The following PCDHGA3 variants were observed in gnomAD, a reference collection of about 807,000 sequenced individuals.
PCDHGA3 encodes the protein protocadherin gamma subfamily A, 3, also known as protocadherin gamma-A3.
A neutral mutation model predicts 58.5 loss-of-function variants in PCDHGA3; 40 were observed. That is an observed-to-expected ratio of 0.68 (90% CI 0.53 to 0.89). The LOEUF (loss-of-function observed/expected upper bound fraction) is 0.89. Ranked by LOEUF, PCDHGA3 falls within the 40% of genes least tolerant of loss-of-function variation. The pLI is 0.00. For synonymous variants in PCDHGA3, 530 were observed against 525.7 expected (o/e 1.01, Z -0.11); for missense variants, 1,223 against 1,195.9 (o/e 1.02, Z -0.33).
intron 1 of PCDHGA3, among the ~76,000 whole-genome samples, chr5:141,472,967 C>G (rs1040253926): frequency 1.7e-5 from 1 of 58,336 alleles, no homozygotes; most frequent in South Asian, 5.1e-4. Flanking sequence ...GCCTGGGGAA[C>G]AAGAGTGAAA....
At chr5:141,395,468 C>T (rs909198422) in intron 1 of PCDHGA3, 2 of 569,714 alleles carry the variant, frequency 3.5e-6, no homozygotes, top group African/African-American at 3.8e-5. Flanking sequence ...TTAAGCCTTC[C>T]AGTATTTTAT....
chr5:141,472,980 C>CAAAAAAAAAAAAAAAAAAAAAAA (rs60579131), intron 1 of PCDHGA3, among the ~76,000 whole-genome samples: 6 of 86,066 alleles, frequency 7.0e-5, no homozygotes, highest in Non-Finnish European at 1.0e-4. Context: ...GAGTGAAACT[C>CAAAAAAAAAAAAAAAAAAAAAAA]AAAAAAAAAA....
At chr5:141,359,599 A>G (rs1034333334) in intron 1 of PCDHGA3, among the ~76,000 whole-genome samples, 1 of 152,038 alleles carries the variant, frequency 6.6e-6, no homozygotes, top group East Asian at 1.9e-4. Context: ...TAAAAAAGCA[A>G]TGTGCAGAAT....
intron 1 of PCDHGA3, among the ~76,000 whole-genome samples, chr5:141,480,240 C>CAAA (rs11374694): frequency 1.8e-5 from 2 of 114,046 alleles, no homozygotes; most frequent in Non-Finnish European, 3.8e-5. Context: ...CCTGTCTCTA[C>CAAA]AAAAAAAAAA....
chr5:141,482,562 C>A (rs1030078543), intron 1 of PCDHGA3, among the ~76,000 whole-genome samples: 68 of 142,616 alleles, frequency 4.8e-4, no homozygotes, highest in African/African-American at 1.8e-3. Flanking sequence ...TAATGGAGAT[C>A]TGCATAGCAT....
chr5:141,410,789 A>G (rs1264282350), intron 1 of PCDHGA3: 13 of 794,352 alleles, frequency 1.6e-5, no homozygotes, highest in Non-Finnish European at 2.4e-5. Flanking sequence ...TATTTGGTTC[A>G]TAAGTTGCTC....
At chr5:141,374,154 G>T (rs376984494) in intron 1 of PCDHGA3, 4 of 1,611,790 alleles carry the variant, frequency 2.5e-6, no homozygotes, top group Non-Finnish European at 3.4e-6. Flanking sequence ...GGGACGCTGT[G>T]GGGGGCCGCG....
chr5:141,361,668 C>CG, intron 1 of PCDHGA3: 1 of 1,613,670 alleles, frequency 6.2e-7, no homozygotes, highest in Non-Finnish European at 8.5e-7. Context: ...GCGCGCAGAG[C>CG]GGGGTGGTGT....
Position 141,346,163 on chromosome 5 carries a change from G to A in PCDHGA3, c.2130G>A (p.Val710=). The A allele has an allele frequency of 2.5e-6, 4 of 1,614,024 alleles. No individual in the cohort carries two copies. The highest frequency in any genetic ancestry group is 1.3e-5 in the African/African-American group (1 of 75,056). The change falls in exon 1 of 4, where the codon GTG becomes GTA. Residue 710 remains valine, a synonymous_variant. Transcript: ENST00000253812. Reference sequence around the variant, plus strand: ...GCGTCTTCCTGGCCTTCGTCATCGTGCTGCTGGCGCTCAGGCTGCGGCGCT... The same window carrying A: ...GCGTCTTCCTGGCCTTCGTCATCGTACTGCTGGCGCTCAGGCTGCGGCGCT... ...VSCVFLAFVI[V]LLALRLRRWH...
chr5:141,383,098 A>T, intron 1 of PCDHGA3: 2 of 1,613,954 alleles, frequency 1.2e-6, no homozygotes, highest in Non-Finnish European at 1.7e-6. Context: ...AGTCCGCATC[A>T]TCTCCAGAGG....
At chr5:141,357,068 C>T in intron 1 of PCDHGA3, 3 of 1,613,990 alleles carry the variant, frequency 1.9e-6, no homozygotes, top group Non-Finnish European at 2.5e-6. Context: ...GGGCTGCACA[C>T]AGGCGAGGTG....
chr5:141,494,688 A>T (rs2099756168), intron 1 of PCDHGA3, 119 bp from the exon 2 acceptor site: 1 of 1,576,254 alleles, frequency 6.3e-7, no homozygotes, highest in Non-Finnish European at 8.6e-7. Context: ...GCCCCCTCTT[A>T]GTCCGTTTTC....
At position 141,477,532 on chromosome 5, in the gene PCDHGA3, CG is replaced by C; in HGVS notation, c.2425-17271del. 6.2e-7 allele frequency: 1 copy of C among 1,614,146 alleles called. No individual in the cohort carries two copies. The highest frequency in any genetic ancestry group is 8.5e-7 in the Non-Finnish European group (1 of 1,180,028). Reference sequence around the variant, plus strand: ...TTTACATTGAAGAAAACAACCTCCCCGGGGCTCCAATACTAAACCTAAGTGT... The same window carrying C: ...TTTACATTGAAGAAAACAACCTCCCCGGGCTCCAATACTAAACCTAAGTGT... On this transcript the variant is annotated intron_variant, in intron 1 of 3. Transcript: ENST00000253812. This position sits in a 1 kb window ranked among gnomAD's most constrained non-coding sequence, Gnocchi z 4.9.
At chr5:141,364,706 A>G (rs1373538409) in intron 1 of PCDHGA3, 3 of 1,613,862 alleles carry the variant, frequency 1.9e-6, no homozygotes, top group Non-Finnish European at 2.5e-6. Context: ...AATAATCGAT[A>G]TTAATGATAA....
At chr5:141,401,239 G>A (rs1024455506) in intron 1 of PCDHGA3, among the ~76,000 whole-genome samples, 6 of 152,154 alleles carry the variant, frequency 3.9e-5, no homozygotes, top group Admixed American at 6.5e-5. Flanking sequence ...CTACTCAGGA[G>A]GCTAAGACAG....
intron 1 of PCDHGA3, chr5:141,361,498 A>G (rs1392644737): frequency 1.2e-6 from 2 of 1,613,948 alleles, no homozygotes; most frequent in Admixed American, 1.7e-5. Context: ...TTTCCAACAG[A>G]CTTCCTACAT....
At chr5:141,423,049 C>T (rs1418805817) in intron 1 of PCDHGA3, 3 of 1,614,094 alleles carry the variant, frequency 1.9e-6, no homozygotes, top group East Asian at 2.2e-5. Flanking sequence ...GCTGTCCTAT[C>T]GCCTGCTTAA....
At chr5:141,349,209 A>G (rs1758253603) in intron 1 of PCDHGA3, among the ~76,000 whole-genome samples, 2 of 150,278 alleles carry the variant, frequency 1.3e-5, no homozygotes, top group African/African-American at 5.0e-5. Flanking sequence ...AGCTGGCGTT[A>G]CAGGTACCCG....
intron 1 of PCDHGA3, chr5:141,423,228 C>T (rs1321708353): frequency 6.2e-7 from 1 of 1,613,748 alleles, no homozygotes; most frequent in Non-Finnish European, 8.5e-7. Flanking sequence ...CTGTGGCCGA[C>T]AGCATCCCCG....
Sources: gnomAD v4.1 joint callset for allele counts (sites outside exome capture counted in the v4.1 genomes callset) on GRCh38, gnomAD v4.1.1 for gene constraint, Gnocchi (gnomAD v3.1) non-coding constraint, MANE v1.5 for transcripts, NCBI Gene and HGNC (gene_info 2026-07-23, HGNC 2026-07-21) for gene names.